The following NUDT19 variants were observed in gnomAD, a reference collection of about 807,000 sequenced individuals.
The protein encoded by NUDT19 is acyl-coenzyme A diphosphatase NUDT19.
NUDT19 carries 31 observed loss-of-function variants against 22.2 expected under a neutral mutation model. That is an observed-to-expected ratio of 1.40 (90% CI 1.05 to 1.89). NUDT19 has a LOEUF of 1.89. Among genes scored for constraint, NUDT19 ranks in the 40% most tolerant of loss-of-function variants. The probability of loss-of-function intolerance (pLI) is 0.00; values close to 1 mark genes in which losing one functional copy is unlikely to be tolerated. For synonymous variants in NUDT19, 325 were observed against 230.8 expected (o/e 1.41, Z -3.70); for missense variants, 752 against 514.2 (o/e 1.46, Z -4.47).
chr19:32,711,094 T>C (rs2145369357), intron 2 of NUDT19, among the ~76,000 whole-genome samples: 1 of 152,154 alleles, frequency 6.6e-6, no homozygotes, highest in African/African-American at 2.4e-5. Flanking sequence ...CAGTTCACAG[T>C]GGAAACATAC....
At chr19:32,711,428 A>C (rs542235996) in intron 2 of NUDT19, among the ~76,000 whole-genome samples, 1 of 152,260 alleles carries the variant, frequency 6.6e-6, no homozygotes, top group East Asian at 1.9e-4. Context: ...GCGCCACTGC[A>C]CTCTAGCCTG....
intron 1 of NUDT19, among the ~76,000 whole-genome samples, chr19:32,694,734 T>C (rs1371787709): frequency 6.6e-6 from 1 of 152,240 alleles, no homozygotes; most frequent in East Asian, 1.9e-4. Context: ...TTCTTTGCTA[T>C]TAATAAGACC....
chr19:32,693,412 T>C (rs1968226110), intron 1 of NUDT19, among the ~76,000 whole-genome samples: 1 of 152,180 alleles, frequency 6.6e-6, no homozygotes, highest in South Asian at 2.1e-4. Context: ...CAGACATTTG[T>C]GGTCAGTGTT....
Position 32,712,413 on chromosome 19 carries a change from T to C in NUDT19, c.*456T>C, listed in dbSNP as rs892525335. ...TTTTTTTTTTTTTTTTGAGACAGAG[T>C]GTCTCACTCTTGCCCAGAACCCAGG... On this transcript the variant is annotated 3_prime_UTR_variant, in exon 3 of 3. Coordinates refer to ENST00000397061, the MANE Select transcript of NUDT19 (RefSeq NM_001105570.2). 3.1e-5 allele frequency: 3 copies of C among 96,538 alleles called. No homozygotes were observed. The highest frequency in any genetic ancestry group is 1.5e-4 in the Admixed American group (1 of 6,812). The allele number at this position is 96,538 out of a possible 1,614,324, so 6.0% of individuals were successfully genotyped here. A position where few individuals can be genotyped will look rare whatever the true frequency, so the allele number is the denominator to read the frequency against.
intron 2 of NUDT19, among the ~76,000 whole-genome samples, chr19:32,710,046 T>A (rs893138927): frequency 2.8e-4 from 42 of 148,440 alleles, no homozygotes; most frequent in Admixed American, 8.1e-4. Context: ...TGAGACAGAG[T>A]TTTGCTCTTG....
Position 32,711,777 on chromosome 19 carries a change from A to C in NUDT19, c.948A>C (p.Ser316=), listed in dbSNP as rs752561813. 2 of 1,611,808 alleles carry C rather than the reference A, an allele frequency of 1.2e-6. No individual in the cohort carries two copies. The highest frequency in any genetic ancestry group is 2.2e-5 in the South Asian group (2 of 91,028). ...GTGATGAGCTATATTTAGAAGATTCAGACTTTTTGGAAAATCTTATGTCTA... is the reference window on the plus strand; with the variant it reads ...GTGATGAGCTATATTTAGAAGATTCCGACTTTTTGGAAAATCTTATGTCTA... The part of the protein sequence containing the change: ...LPGDELYLED[S]DFLENLMSTE... Residue 316 remains serine, a synonymous_variant, in exon 3 of 3, where the codon TCA becomes TCC. Coordinates refer to ENST00000397061, the MANE Select transcript of NUDT19 (RefSeq NM_001105570.2).
chr19:32,693,897 G>C (rs147440033), intron 1 of NUDT19, among the ~76,000 whole-genome samples: 102 of 152,282 alleles, frequency 6.7e-4, no homozygotes, highest in African/African-American at 2.4e-3. Flanking sequence ...GTTGGGAATT[G>C]GGCAATGACT....
intron 1 of NUDT19, among the ~76,000 whole-genome samples, chr19:32,700,119 A>G (rs1441204216): frequency 6.6e-6 from 1 of 152,268 alleles, no homozygotes; most frequent in Non-Finnish European, 1.5e-5. Context: ...GAGCTTCCAC[A>G]GCATGGAAAG....
At chr19:32,693,368 G>C (rs1209867139) in intron 1 of NUDT19, among the ~76,000 whole-genome samples, 1 of 152,190 alleles carries the variant, frequency 6.6e-6, no homozygotes, top group Non-Finnish European at 1.5e-5. Flanking sequence ...CTCTTGGTGG[G>C]TTTGTGGTCT....
chr19:32,693,193 T>G (rs959513503), intron 1 of NUDT19, among the ~76,000 whole-genome samples: 3 of 152,126 alleles, frequency 2.0e-5, no homozygotes, highest in Admixed American at 2.0e-4. Context: ...AGTGTTACAG[T>G]TCTTAAAGAT....
chr19:32,699,604 A>C (rs1336558395), intron 1 of NUDT19, among the ~76,000 whole-genome samples: 2 of 152,216 alleles, frequency 1.3e-5, no homozygotes, highest in Admixed American at 1.3e-4. Context: ...TTAACTGGCC[A>C]ACATGTCCCC....
chr19:32,711,650 A>T, intron 2 of NUDT19, 102 bp from the exon 3 acceptor site: 1 of 689,246 alleles, frequency 1.5e-6, no homozygotes, highest in Non-Finnish European at 2.5e-6. Context: ...TATTGGAGTG[A>T]TTTATAAAAT....
intron 2 of NUDT19, among the ~76,000 whole-genome samples, chr19:32,710,901 A>G (rs1479007229): frequency 6.6e-6 from 1 of 151,930 alleles, no homozygotes; most frequent in East Asian, 1.9e-4. Context: ...CTCAAAAAAA[A>G]AAAAGATTTA....
chr19:32,692,416 C>G lies in NUDT19; in HGVS notation c.456C>G (p.Pro152=), dbSNP rs774938158. The G allele has an allele frequency of 1.1e-5, 17 of 1,558,332 alleles. No homozygotes were observed. The Admixed American group carries it at 1.7e-4, about 15-fold the overall frequency. ...GGACTTCCCCACCAGGCCCAGCACC[C>G]GGGCCTGGCCTCGCCCTGGAGCCAC... is the stretch of plus-strand genomic sequence containing the variant. ...RPRTSPPGPA[P]GPGLALEPPP... Residue 152 remains proline (P), a synonymous_variant, in exon 1 of 3, where the codon CCC becomes CCG. Transcript: ENST00000397061.
chr19:32,710,478 G>C (rs1968435209), intron 2 of NUDT19, among the ~76,000 whole-genome samples: 1 of 150,004 alleles, frequency 6.7e-6, no homozygotes, highest in South Asian at 2.1e-4. Context: ...TGTAATCCCA[G>C]CTGCTCAGGA....
intron 1 of NUDT19, among the ~76,000 whole-genome samples, chr19:32,705,095 A>C (rs1419460294): frequency 1.5e-5 from 2 of 136,110 alleles, no homozygotes. Flanking sequence ...GACAAGAGCA[A>C]GACTTCATCT....
At chr19:32,703,473 C>T (rs749442028) in intron 1 of NUDT19, among the ~76,000 whole-genome samples, 40 of 152,068 alleles carry the variant, frequency 2.6e-4, no homozygotes, top group Non-Finnish European at 4.6e-4. Context: ...CTCAGCCTCC[C>T]AGGTAGCTAG....
chr19:32,709,128 A>C, intron 1 of NUDT19, 57 bp from the exon 2 acceptor site: 1 of 1,182,036 alleles, frequency 8.5e-7, no homozygotes, highest in Non-Finnish European at 1.3e-6. Context: ...TGACTGTCTC[A>C]AGTCTCACAT....
Position 32,712,011 on chromosome 19 carries a change from GGGTT to G in NUDT19, c.*56_*59del. ...TACTTGAAGTCCTCATGAATAATGA[GGGTT>G]GACTTTCATTTGCTTGAAACTTAAG... On this transcript the variant is annotated 3_prime_UTR_variant, in exon 3 of 3. Transcript: ENST00000397061. 11 of 1,125,320 alleles carry G rather than the reference GGGTT, an allele frequency of 9.8e-6. No individual in the cohort carries two copies. The highest frequency in any genetic ancestry group is 1.3e-5 in the Non-Finnish European group (10 of 744,318). The allele number at this position is 1,125,320 out of a possible 1,614,324, so 69.7% of individuals were successfully genotyped here.
Sources: allele counts gnomAD v4.1 joint callset (sites outside exome capture counted in the v4.1 genomes callset), GRCh38; gene constraint gnomAD v4.1.1; transcripts MANE v1.5; gene names NCBI Gene and HGNC (gene_info 2026-07-23, HGNC 2026-07-21).